The following KCNS3 variants were observed in gnomAD, a reference collection of about 807,000 sequenced individuals.
The protein encoded by KCNS3 is delayed-rectifier potassium channel regulatory subunit KCNS3.
A neutral mutation model predicts 31.0 loss-of-function variants in KCNS3; 13 were observed. That is an observed-to-expected ratio of 0.42 (90% CI 0.27 to 0.67). KCNS3 has a LOEUF of 0.67. KCNS3 is among the 30% of genes least tolerant of loss of function. The pLI is 0.25. For synonymous variants in KCNS3, 238 were observed against 241.5 expected (o/e 0.99, Z 0.13); for missense variants, 545 against 622.4 (o/e 0.88, Z 1.32).
intron 1 of KCNS3, among the ~76,000 whole-genome samples, chr2:17,908,579 A>C (rs1338348883): frequency 6.6e-6 from 1 of 152,008 alleles, no homozygotes; most frequent in Non-Finnish European, 1.5e-5. Context: ...TTTTTTCCCC[A>C]TCTTTGTGGT....
intron 1 of KCNS3, among the ~76,000 whole-genome samples, chr2:17,916,939 G>C (rs1572497930): frequency 6.6e-6 from 1 of 151,908 alleles, no homozygotes; most frequent in Non-Finnish European, 1.5e-5. Flanking sequence ...TGGATGCTTA[G>C]AAGCTAGTAC....
intron 1 of KCNS3, among the ~76,000 whole-genome samples, chr2:17,903,210 A>T (rs1662228836): frequency 6.6e-6 from 1 of 152,224 alleles, no homozygotes; most frequent in Admixed American, 6.5e-5. Context: ...TAATTCAGCA[A>T]ATAAATTGTT....
At chr2:17,921,566 G>T (rs1355934609) in intron 2 of KCNS3, among the ~76,000 whole-genome samples, 4 of 152,024 alleles carry the variant, frequency 2.6e-5, no homozygotes, top group African/African-American at 9.7e-5. Context: ...AAGGGAAAGA[G>T]GTTTAATTGA....
chr2:17,887,020 C>T (rs574276774), intron 1 of KCNS3, among the ~76,000 whole-genome samples: 17 of 152,234 alleles, frequency 1.1e-4, no homozygotes, highest in African/African-American at 3.4e-4. Context: ...TGATGAGAAC[C>T]GAATTTTCTT....
chr2:17,888,672 TAA>T (rs1661765122), intron 1 of KCNS3, among the ~76,000 whole-genome samples: 5 of 129,750 alleles, frequency 3.9e-5, no homozygotes, highest in African/African-American at 1.2e-4. Context: ...TATATATATA[TAA>T]AGAAAAGGGT....
chr2:17,904,596 T>C (rs1662270585), intron 1 of KCNS3, among the ~76,000 whole-genome samples: 1 of 152,168 alleles, frequency 6.6e-6, no homozygotes, highest in African/African-American at 2.4e-5. Flanking sequence ...GTTTTAGGTC[T>C]AACATTTAAG....
intron 1 of KCNS3, among the ~76,000 whole-genome samples, chr2:17,884,264 AAAAAATATATAT>A (rs1415250749): frequency 6.5e-4 from 31 of 48,052 alleles, no homozygotes; most frequent in Admixed American, 2.5e-3. Flanking sequence ...ATTAAAAAAA[AAAAAATATATAT>A]ATATATATAT....
intron 2 of KCNS3, among the ~76,000 whole-genome samples, chr2:17,925,522 T>C (rs1417713570): frequency 6.6e-6 from 1 of 152,142 alleles, no homozygotes; most frequent in African/African-American, 2.4e-5. Context: ...TGACTCACAG[T>C]TCCGCAGGGC....
At chr2:17,882,366 G>A (rs1279680198) in intron 1 of KCNS3, among the ~76,000 whole-genome samples, 3 of 152,216 alleles carry the variant, frequency 2.0e-5, no homozygotes, top group Non-Finnish European at 4.4e-5. Context: ...AGCTATAGGT[G>A]GGACAGAAGT....
intron 1 of KCNS3, among the ~76,000 whole-genome samples, chr2:17,908,140 T>C (rs1662381121): frequency 6.6e-6 from 1 of 152,252 alleles, no homozygotes; most frequent in Admixed American, 6.5e-5. Context: ...CCCATATTTC[T>C]TGGAGGCTTT....
chr2:17,920,758 C>T (rs1306635418), intron 2 of KCNS3, among the ~76,000 whole-genome samples: 1 of 152,216 alleles, frequency 6.6e-6, no homozygotes, highest in Non-Finnish European at 1.5e-5. Flanking sequence ...GCCAATGCCA[C>T]TGTACCCTCA....
intron 1 of KCNS3, among the ~76,000 whole-genome samples, chr2:17,901,099 C>G (rs1452211312): frequency 6.6e-6 from 1 of 152,066 alleles, no homozygotes; most frequent in East Asian, 1.9e-4. Flanking sequence ...CATTCTGGAT[C>G]CAGAGTTTAC....
chr2:17,927,179 TGAGTGTTTGTTCCA>T (rs1402866882), intron 2 of KCNS3, among the ~76,000 whole-genome samples: 1 of 152,218 alleles, frequency 6.6e-6, no homozygotes, highest in Non-Finnish European at 1.5e-5. Flanking sequence ...ATAGCAAGAA[TGAGTGTTTGTTCCA>T]GGTCCCAATC....
At chr2:17,924,628 A>G (rs1415272410) in intron 2 of KCNS3, among the ~76,000 whole-genome samples, 1 of 151,850 alleles carries the variant, frequency 6.6e-6, no homozygotes, top group Non-Finnish European at 1.5e-5. Flanking sequence ...TGTCATTTTC[A>G]TTATTTCTTT....
chr2:17,919,013 G>A (rs1662654267), intron 2 of KCNS3, among the ~76,000 whole-genome samples: 2 of 152,222 alleles, frequency 1.3e-5, no homozygotes, highest in Non-Finnish European at 2.9e-5. Flanking sequence ...CCCTCTTGTG[G>A]TAAAGTCCAG....
At chr2:17,929,901 G>T (rs1455901122) in intron 2 of KCNS3, among the ~76,000 whole-genome samples, 1 of 152,170 alleles carries the variant, frequency 6.6e-6, no homozygotes, top group East Asian at 1.9e-4. Context: ...ACCATATAGT[G>T]TTGGAAGGAC....
intron 2 of KCNS3, among the ~76,000 whole-genome samples, chr2:17,919,893 G>C (rs1229163567): frequency 1.3e-5 from 2 of 152,194 alleles, no homozygotes; most frequent in Non-Finnish European, 2.9e-5. Flanking sequence ...TCTTACCAGG[G>C]AGGCACCTGG....
chr2:17,909,233 C>T (rs1662413980), intron 1 of KCNS3, among the ~76,000 whole-genome samples: 1 of 152,214 alleles, frequency 6.6e-6, no homozygotes, highest in Admixed American at 6.5e-5. Flanking sequence ...GAGTGAGGCT[C>T]CGTGGGCGTG....
intron 1 of KCNS3, among the ~76,000 whole-genome samples, chr2:17,894,384 C>T (rs1661970678): frequency 6.6e-6 from 1 of 152,132 alleles, no homozygotes; most frequent in Non-Finnish European, 1.5e-5. Flanking sequence ...GGGCAGTGCT[C>T]ACTAATGTGG....
Sources: gnomAD v4.1 joint callset for allele counts (sites outside exome capture counted in the v4.1 genomes callset) on GRCh38, gnomAD v4.1.1 for gene constraint, MANE v1.5 for transcripts, NCBI Gene and HGNC (gene_info 2026-07-23, HGNC 2026-07-21) for gene names.